The following STK39 variants were observed in gnomAD, a reference collection of about 807,000 sequenced individuals.
The protein encoded by STK39 is STE20/SPS1-related proline-alanine-rich protein kinase.
STK39 carries 20 observed loss-of-function variants against 77.8 expected under a neutral mutation model. That is an observed-to-expected ratio of 0.26 (90% CI 0.18 to 0.37). STK39 has a LOEUF of 0.37. Among genes scored for constraint, STK39 ranks in the 10% least tolerant of loss-of-function variants. The pLI is 1.00. For missense variants in STK39, 479 were observed against 656.5 expected, an observed-to-expected ratio of 0.73 and a Z score of 2.95; for synonymous variants, 246 against 234.1, an observed-to-expected ratio of 1.05 and a Z score of -0.47.
chr2:168,235,124 G>A (rs568763216), intron 1 of STK39, among the ~76,000 whole-genome samples: 31 of 150,886 alleles, frequency 2.1e-4, no homozygotes, highest in African/African-American at 7.1e-4. Flanking sequence ...TGCAACCACC[G>A]CTTCTCGGGT....
chr2:168,232,181 G>A, intron 1 of STK39: 1 of 229,592 alleles, frequency 4.4e-6, no homozygotes, highest in Non-Finnish European at 9.8e-6. Context: ...TTTTCACATA[G>A]TCTTCCGATG....
chr2:168,135,545 C>T (rs1403412654), intron 8 of STK39, among the ~76,000 whole-genome samples: 7 of 152,202 alleles, frequency 4.6e-5, no homozygotes, highest in Admixed American at 1.3e-4. Flanking sequence ...AGAGGAAGGG[C>T]AAGAACTCTC....
chr2:168,063,651 A>G (rs1159008873), intron 13 of STK39, 81 bp from the exon 14 acceptor site: 1 of 1,316,332 alleles, frequency 7.6e-7, no homozygotes, highest in African/African-American at 1.5e-5. Flanking sequence ...CTTGATTCAT[A>G]TAGCCATTTC....
At chr2:168,246,406 G>A (rs940375258) in intron 1 of STK39, among the ~76,000 whole-genome samples, 13 of 152,352 alleles carry the variant, frequency 8.5e-5, no homozygotes, top group Non-Finnish European at 1.2e-4. Context: ...TTTGTGAGCC[G>A]GCCAGAAGGC....
chr2:167,972,785 C>A (rs1435910219), intron 16 of STK39, among the ~76,000 whole-genome samples: 3 of 152,026 alleles, frequency 2.0e-5, no homozygotes, highest in African/African-American at 7.2e-5. Flanking sequence ...GTGCCAGAGA[C>A]CCCATTTGGA....
chr2:167,999,562 C>A (rs903947237), intron 16 of STK39, among the ~76,000 whole-genome samples: 2 of 151,938 alleles, frequency 1.3e-5, no homozygotes, highest in African/African-American at 4.8e-5. Flanking sequence ...CCTGGGTTCA[C>A]GCCATTCTCC....
intron 10 of STK39, among the ~76,000 whole-genome samples, chr2:168,119,942 A>G (rs1687361609): frequency 6.6e-6 from 1 of 152,196 alleles, no homozygotes; most frequent in South Asian, 2.1e-4. Flanking sequence ...CTGTTAGGAC[A>G]TGATGATGCA....
intron 14 of STK39, among the ~76,000 whole-genome samples, chr2:168,023,697 C>T (rs1446174309): frequency 6.6e-6 from 1 of 152,116 alleles, no homozygotes; most frequent in Non-Finnish European, 1.5e-5. Context: ...GGTAGAAATC[C>T]AAAGACCACT....
chr2:168,067,401 C>T (rs1247102302), intron 12 of STK39, among the ~76,000 whole-genome samples: 1 of 152,146 alleles, frequency 6.6e-6, no homozygotes, highest in Non-Finnish European at 1.5e-5. Flanking sequence ...CTCCTTCCCA[C>T]TCTCTCTGTT....
chr2:168,218,573 C>G (rs765449808), intron 1 of STK39, among the ~76,000 whole-genome samples: 2 of 152,160 alleles, frequency 1.3e-5, no homozygotes, highest in African/African-American at 2.4e-5. Context: ...ACATGACTGT[C>G]CTGAGAGAAA....
At chr2:168,144,920 G>A (rs1459810802) in intron 5 of STK39, among the ~76,000 whole-genome samples, 7 of 151,124 alleles carry the variant, frequency 4.6e-5, no homozygotes, top group African/African-American at 1.5e-4. Context: ...GGTCGAGGAC[G>A]CAGTAAGCCA....
Position 168,247,358 on chromosome 2 carries a change from C to T in STK39, c.78G>A (p.Ala26=). The T allele has an allele frequency of 3.1e-6, 3 of 982,060 alleles. No individual in the cohort carries two copies. The highest frequency in any genetic ancestry group is 4.7e-4 in the Middle Eastern group (1 of 2,146). 60.8% of individuals were successfully genotyped at this position (982,060 alleles called of 1,614,324 possible). A position where few individuals can be genotyped will look rare whatever the true frequency, so the allele number is the denominator to read the frequency against. ...QAAPVTAAAA[A]APAAATAAPA... ...GCGCTGCTGTCGCGGCCGCCGGGGC[C>T]GCCGCCGCCGCCGCTGTCACCGGGG... Residue 26 remains alanine, a synonymous_variant, in exon 1 of 18, where the codon GCG becomes GCA. Coordinates refer to ENST00000355999, the MANE Select transcript of STK39 (RefSeq NM_013233.3).
At chr2:168,013,714 C>T (rs750112968) in intron 15 of STK39, among the ~76,000 whole-genome samples, 2 of 152,140 alleles carry the variant, frequency 1.3e-5, no homozygotes, top group Non-Finnish European at 2.9e-5. Context: ...CGGTTTGTGA[C>T]ACCAAAAGCT....
At chr2:168,145,440 C>G (rs1302801025) in intron 5 of STK39, among the ~76,000 whole-genome samples, 1 of 152,106 alleles carries the variant, frequency 6.6e-6, no homozygotes, top group African/African-American at 2.4e-5. Flanking sequence ...AGGCAGGCCC[C>G]TGCTGCTTGG....
intron 10 of STK39, among the ~76,000 whole-genome samples, chr2:168,114,280 A>G (rs1459733105): frequency 6.6e-6 from 1 of 152,226 alleles, no homozygotes; most frequent in Non-Finnish European, 1.5e-5. Context: ...CACTAACCTT[A>G]GACAATAATT....
chr2:167,962,908 G>T (rs1212283123), intron 17 of STK39, among the ~76,000 whole-genome samples: 3 of 152,154 alleles, frequency 2.0e-5, no homozygotes, highest in Admixed American at 6.5e-5. Context: ...CAGCGAGCCC[G>T]AGGTTCCCGA....
intron 10 of STK39, among the ~76,000 whole-genome samples, chr2:168,125,850 T>C (rs1364106492): frequency 6.6e-6 from 1 of 152,160 alleles, no homozygotes; most frequent in Admixed American, 6.5e-5. Flanking sequence ...ATTATGTGGC[T>C]CCCAACAAAA....
chr2:167,980,876 A>T (rs1683400062), intron 16 of STK39, among the ~76,000 whole-genome samples: 1 of 147,868 alleles, frequency 6.8e-6, no homozygotes, highest in African/African-American at 2.5e-5. Flanking sequence ...TTTTATCTTC[A>T]TTTCTTCTTC....
In STK39 at chr2:167,964,737, T is replaced by C. The variant is rs1250655168; in HGVS notation, c.1499-11A>G. ...GTAAATTAGCAGCCACTGTAAAATA[T>C]AAACGTAGAGAGAAAGTTTCCAGAT... On this transcript the variant is annotated splice_polypyrimidine_tract_variant and intron_variant, in intron 16 of 17. Coordinates refer to ENST00000355999, the MANE Select transcript of STK39 (RefSeq NM_013233.3). The C allele has an allele frequency of 2.5e-6, 4 of 1,604,474 alleles. No individual in the cohort carries two copies. Among genetic ancestry groups the C allele is most frequent in the Non-Finnish European group, 2.6e-6 (3 of 1,175,036 alleles).
Sources: gnomAD v4.1 joint callset for allele counts (sites outside exome capture counted in the v4.1 genomes callset) on GRCh38, gnomAD v4.1.1 for gene constraint, MANE v1.5 for transcripts, NCBI Gene and HGNC (gene_info 2026-07-23, HGNC 2026-07-21) for gene names.